Variants in MFSD6 observed in about 807,000 individuals in gnomAD.
MFSD6 encodes major facilitator superfamily domain containing 6.
Under a neutral mutation model 56.3 loss-of-function variants are expected in MFSD6, and 26 were observed. The observed-to-expected ratio is 0.46, with a 90% CI of 0.34 to 0.64. The LOEUF is 0.64. MFSD6 is among the 30% of genes least tolerant of loss of function. The pLI, the probability that MFSD6 is intolerant of heterozygous loss-of-function variation, is 0.01. For missense variants in MFSD6, 750 were observed against 986.2 expected, an observed-to-expected ratio of 0.76 and a Z score of 3.21; for synonymous variants, 331 against 366.9, an observed-to-expected ratio of 0.90 and a Z score of 1.12.
In MFSD6 at chr2:190,439,234, A is replaced by G. The variant is rs1686285236; in HGVS notation, c.1532+1673A>G. On this transcript the variant is annotated intron_variant, in intron 3 of 7. Transcript: ENST00000392328. This position sits in a 1 kb window ranked among gnomAD's most constrained non-coding sequence, Gnocchi z 5.8. Reference sequence around the variant, plus strand: ...AAATCACTGTTATTCATTCCCAGAAAGGTACCCAGTTAGGTCTTACCAATG... The same window carrying G: ...AAATCACTGTTATTCATTCCCAGAAGGGTACCCAGTTAGGTCTTACCAATG... Among the ~76,000 whole-genome samples the G allele has an allele frequency of 6.6e-6, 1 of 152,040 alleles. No homozygotes were observed. The highest frequency in any genetic ancestry group is 1.5e-5 in the Non-Finnish European group (1 of 68,020).
intron 3 of MFSD6, among the ~76,000 whole-genome samples, chr2:190,453,531 G>A (rs570817963): frequency 3.9e-5 from 6 of 152,306 alleles, no homozygotes; most frequent in Middle Eastern, 3.4e-3. Flanking sequence ...GGAACATGCC[G>A]TTATCAGTGT....
intron 4 of MFSD6, among the ~76,000 whole-genome samples, chr2:190,482,867 T>C (rs1421857511): frequency 5.5e-5 from 6 of 108,440 alleles, no homozygotes; most frequent in African/African-American, 1.7e-4. Flanking sequence ...AAGACTATCA[T>C]CTTTTTTTTT....
chr2:190,408,438 G>T lies in MFSD6; in HGVS notation c.-241G>T, dbSNP rs1390924180. 6.6e-6 allele frequency: 1 copy of T among 150,978 alleles called. No individual in the cohort carries two copies. Among genetic ancestry groups the T allele is most frequent in the African/African-American group, 2.4e-5 (1 of 41,076 alleles). 9.4% of individuals were successfully genotyped at this position (150,978 alleles called of 1,614,324 possible). A position where few individuals can be genotyped will look rare whatever the true frequency, so the allele number is the denominator to read the frequency against. On this transcript the variant is annotated 5_prime_UTR_variant, in exon 1 of 8. Coordinates refer to ENST00000392328, the MANE Select transcript of MFSD6 (RefSeq NM_017694.4). The stretch of plus-strand genomic sequence containing the variant: ...CGCCGCCCCGGCGCCCCGAGCCGCC[G>T]CCCCGTGCTCCGGGGACAGGGCTCC...
chr2:190,473,804 C>T (rs1688105701), intron 4 of MFSD6, among the ~76,000 whole-genome samples: 1 of 152,160 alleles, frequency 6.6e-6, no homozygotes, highest in African/African-American at 2.4e-5. Context: ...AAATTGACCA[C>T]ATAGTTGGAA....
chr2:190,462,877 C>T lies in MFSD6; in HGVS notation c.1533-6881C>T, dbSNP rs1687402860. 6.6e-6 allele frequency among the ~76,000 whole-genome samples: 1 copy of T among 152,192 alleles called. No individual in the cohort carries two copies. Among genetic ancestry groups the T allele is most frequent in the South Asian group, 2.1e-4 (1 of 4,830 alleles). On this transcript the variant is annotated intron_variant, in intron 3 of 7. Coordinates refer to ENST00000392328, the MANE Select transcript of MFSD6 (RefSeq NM_017694.4). This position sits in a 1 kb window ranked among gnomAD's most constrained non-coding sequence, Gnocchi z 5.7. ...TTGCTCAGGTCACTGATTCTGTGGC[C>T]TTGTCTCCTCTCCTCTCTGGCCACT...
rs78866720 is a variant in MFSD6, at chr2:190,456,417, G to A, written c.1533-13341G>A. Among the ~76,000 whole-genome samples the A allele has an allele frequency of 8.9e-4, 135 of 152,352 alleles. 1 individual carries two copies. The East Asian group carries it at 0.024, about 27-fold the overall frequency. ...CCAGTGATGCCTCTGGCCTGGCTCA[G>A]ACTCTTCGTTGTGAGATCTGTGGAG... On this transcript the variant is annotated intron_variant, in intron 3 of 7. Transcript: ENST00000392328. This position sits in a 1 kb window ranked among gnomAD's most constrained non-coding sequence, Gnocchi z 5.4.
rs1008627420 is a variant in MFSD6 at position 190,430,053 on chromosome 2, G to C, written c.-53-5924G>C. Among the ~76,000 whole-genome samples the C allele has an allele frequency of 6.8e-5, 10 of 147,550 alleles. No individual in the cohort carries two copies. In the East Asian group the frequency reaches 1.6e-3, roughly 24 times the overall value. ...GATGTTCCCTGCCCTATGTCCAAGT[G>C]TTCTCATTGTTCAATTTCCACCTAT... On this transcript the variant is annotated intron_variant, in intron 2 of 7. Transcript: ENST00000392328.
rs1690752825 is a variant in MFSD6 at position 190,415,854 on chromosome 2, G to A, written c.-54+441G>A. ...TGGTCTCAATTGTAAACTCATAAAA[G>A]GTCTGAGAAAGAAGCACCCATACAT... On this transcript the variant is annotated intron_variant, in intron 2 of 7. Transcript: ENST00000392328. The surrounding 1 kb of genome is among the most constrained non-coding windows in gnomAD (Gnocchi z 4.5). Among the ~76,000 whole-genome samples the A allele has an allele frequency of 6.6e-6, 1 of 152,124 alleles. No homozygotes were observed. The highest frequency in any genetic ancestry group is 6.5e-5 in the Admixed American group (1 of 15,272).
Position 190,494,920 on chromosome 2 carries a change from T to C in MFSD6, c.1892-2519T>C, listed in dbSNP as rs188970253. 2.0e-5 allele frequency among the ~76,000 whole-genome samples: 3 copies of C among 152,266 alleles called. No homozygotes were observed. The highest frequency in any genetic ancestry group is 4.4e-5 in the Non-Finnish European group (3 of 68,016). Reference sequence around the variant, plus strand: ...ACTGAACAGGGAGAAGTTGGAAGCATTCCCTCTGAAAATTGGAACAAGACA... The same window carrying C: ...ACTGAACAGGGAGAAGTTGGAAGCACTCCCTCTGAAAATTGGAACAAGACA... On this transcript the variant is annotated intron_variant, in intron 6 of 7. Coordinates refer to ENST00000392328, the MANE Select transcript of MFSD6 (RefSeq NM_017694.4). The surrounding 1 kb of genome is among the most constrained non-coding windows in gnomAD (Gnocchi z 5.7).
rs1689326737 is a variant in MFSD6 at position 190,491,151 on chromosome 2, AAAT to A, written c.1891+1288_1891+1290del. ...TAAACATTCAATGTAAGAAACATAA[AAAT>A]AAGCAATCAAATTTTAACTCATCTT... On this transcript the variant is annotated intron_variant, in intron 6 of 7. Coordinates refer to ENST00000392328, the MANE Select transcript of MFSD6 (RefSeq NM_017694.4). The surrounding 1 kb of genome is among the most constrained non-coding windows in gnomAD (Gnocchi z 4.2). Among the ~76,000 whole-genome samples, 1 of 152,242 alleles carries A rather than the reference AAAT, an allele frequency of 6.6e-6. No homozygotes were observed. Among genetic ancestry groups the A allele is most frequent in the Non-Finnish European group, 1.5e-5 (1 of 68,048 alleles).
chr2:190,428,358 C>T (rs986268951), intron 2 of MFSD6, among the ~76,000 whole-genome samples: 2 of 152,156 alleles, frequency 1.3e-5, no homozygotes, highest in African/African-American at 4.8e-5. Flanking sequence ...GGGTCTTACA[C>T]TCAGGATTAG....
At position 190,431,559 on chromosome 2, in the gene MFSD6, G is replaced by A. The variant is rs1406243495; in HGVS notation, c.-53-4418G>A. ...CTCCACCAAAAAAATACGAAAACCA[G>A]TCAGGTGTGGCGGCGCGCGCCTGCA... On this transcript the variant is annotated intron_variant, in intron 2 of 7. Transcript: ENST00000392328. This position sits in a 1 kb window ranked among gnomAD's most constrained non-coding sequence, Gnocchi z 4.4. Among the ~76,000 whole-genome samples the A allele has an allele frequency of 6.6e-6, 1 of 152,214 alleles. No individual in the cohort carries two copies. The highest frequency in any genetic ancestry group is 1.5e-5 in the Non-Finnish European group (1 of 68,046).
At position 190,497,414 on chromosome 2, in the gene MFSD6, A is replaced by G. The variant is rs772363195; in HGVS notation, c.1892-25A>G. The G allele has an allele frequency of 1.2e-6, 2 of 1,601,378 alleles. No individual in the cohort carries two copies. The highest frequency in any genetic ancestry group is 1.7e-6 in the Non-Finnish European group (2 of 1,173,098). The stretch of plus-strand genomic sequence containing the variant: ...AATATGTAGAAAATGCTGAAAAAAT[A>G]GTTTAAACATTCTTTTCTCTCCAGA... On this transcript the variant is annotated intron_variant, in intron 6 of 7. Coordinates refer to ENST00000392328, the MANE Select transcript of MFSD6 (RefSeq NM_017694.4). The surrounding 1 kb of genome is among the most constrained non-coding windows in gnomAD (Gnocchi z 5.2).
rs1251481873 is a variant in MFSD6, at chr2:190,438,282, G to A, written c.1532+721G>A. ...GCTAATCCCAGCACTTTGAGAGGCC[G>A]AGGCAGGTGGATCACTTGAGGTCAG... On this transcript the variant is annotated intron_variant, in intron 3 of 7. Coordinates refer to ENST00000392328, the MANE Select transcript of MFSD6 (RefSeq NM_017694.4). The surrounding 1 kb of genome is among the most constrained non-coding windows in gnomAD (Gnocchi z 5.2). Among the ~76,000 whole-genome samples, 4 of 151,852 alleles carry A rather than the reference G, an allele frequency of 2.6e-5. No homozygotes were observed. Among genetic ancestry groups the A allele is most frequent in the African/African-American group, 7.3e-5 (3 of 41,358 alleles).
chr2:190,435,796 G>A lies in MFSD6; in HGVS notation c.-53-181G>A, dbSNP rs13417947. ...CAGTCAGTGGCCATAAAGAGTATTCGATTTTTTTAAAAGCTATTTTTCCTT... is the reference window on the plus strand; with the variant it reads ...CAGTCAGTGGCCATAAAGAGTATTCAATTTTTTTAAAAGCTATTTTTCCTT... On this transcript the variant is annotated intron_variant, in intron 2 of 7. Transcript: ENST00000392328. 4.5e-3 allele frequency: 2,297 copies of A among 510,600 alleles called. 57 individuals are homozygous for A. The highest frequency in any genetic ancestry group is 0.039 in the African/African-American group (2,067 of 52,428). The allele number at this position is 510,600 out of a possible 1,614,324, so 31.6% of individuals were successfully genotyped here.
At chr2:190,432,265 C>A (rs1240680073) in intron 2 of MFSD6, among the ~76,000 whole-genome samples, 2 of 152,172 alleles carry the variant, frequency 1.3e-5, no homozygotes, top group Non-Finnish European at 2.9e-5. Context: ...GTCTTGCCAG[C>A]CTCTGGGAAC....
At chr2:190,474,454 T>G (rs868371935) in intron 4 of MFSD6, among the ~76,000 whole-genome samples, 1 of 152,140 alleles carries the variant, frequency 6.6e-6, no homozygotes, top group African/African-American at 2.4e-5. Flanking sequence ...GCAAATAAAC[T>G]AGAAAATCTA....
chr2:190,483,835 C>CAAAA lies in MFSD6; in HGVS notation c.1631-4804_1631-4801dup, dbSNP rs34089229. 8.1e-5 allele frequency among the ~76,000 whole-genome samples: 7 copies of CAAAA among 86,672 alleles called. No individual in the cohort carries two copies. The Admixed American group carries it at 8.6e-4, about 11-fold the overall frequency. 56.9% of individuals were successfully genotyped at this position (86,672 alleles called of 152,430 possible). On this transcript the variant is annotated intron_variant, in intron 4 of 7. Transcript: ENST00000392328. Reference sequence around the variant, plus strand: ...GGGCAACAAGAGTGAAACTCATTTTCAAAAAAAAAAAAAAAAAAAAAGTTA... The same window carrying CAAAA: ...GGGCAACAAGAGTGAAACTCATTTTCAAAAAAAAAAAAAAAAAAAAAAAAAGTTA...
intron 4 of MFSD6, among the ~76,000 whole-genome samples, chr2:190,470,338 T>TA (rs1559129551): frequency 2.0e-5 from 3 of 152,222 alleles, no homozygotes; most frequent in East Asian, 1.9e-4. Context: ...CCATGAACTT[T>TA]AAAAAATCTC....
Sources: allele counts gnomAD v4.1 joint callset (sites outside exome capture counted in the v4.1 genomes callset), GRCh38; gene constraint gnomAD v4.1.1; non-coding constraint Gnocchi (gnomAD v3.1); transcripts MANE v1.5; gene names NCBI Gene and HGNC (gene_info 2026-07-23, HGNC 2026-07-21).